The following NCOR2 variants were observed in gnomAD, a reference collection of about 807,000 sequenced individuals.
NCOR2 encodes CTG repeat protein 26.
Under a neutral mutation model 262.9 loss-of-function variants are expected in NCOR2, and 81 were observed. The ratio of observed to expected loss-of-function variants is 0.31; its 90% confidence interval spans 0.26 to 0.37. NCOR2 has a LOEUF of 0.37. NCOR2 is among the 10% of genes least tolerant of loss of function. The pLI is 1.00. For missense variants in NCOR2, 3,385 were observed against 3,621.4 expected, an observed-to-expected ratio of 0.93 and a Z score of 1.68; for synonymous variants, 1,659 against 1,559.3, an observed-to-expected ratio of 1.06 and a Z score of -1.51.
At position 124,426,810 on chromosome 12, in the gene NCOR2, A is replaced by G. The variant is rs779937790; in HGVS notation, c.1150-10T>C. 10 of 1,565,758 alleles carry G rather than the reference A, an allele frequency of 6.4e-6. No homozygotes were observed. The East Asian group carries it at 6.9e-5, about 11-fold the overall frequency. ...TCTGCTTCTCCAGGTTCTGCAGGGA[A>G]ACGGAGGGCAGGGTCAGAGGCCCAG... On this transcript the variant is annotated splice_polypyrimidine_tract_variant and intron_variant, in intron 10 of 46. Transcript: ENST00000405201.
chr12:124,426,580 G>A, intron 11 of NCOR2, 42 bp downstream of exon 13: 1 of 1,528,312 alleles, frequency 6.5e-7, no homozygotes, highest in East Asian at 2.4e-5. Context: ...ACAGGATGGG[G>A]GTGGGGGGCC....
At chr12:124,332,603 C>G in intron 42 of NCOR2, 136 bp from the exon 45 acceptor site, 2 of 1,132,088 alleles carry the variant, frequency 1.8e-6, no homozygotes, top group African/African-American at 1.5e-5. Flanking sequence ...GCATCCCCTG[C>G]CTGGTAGAAG....
In NCOR2 at chr12:124,477,620, T is replaced by G. The variant is rs551485107; in HGVS notation, c.412-4489A>C. ...CTTCACTTTAATGTGGTTACTTTTT[T>G]GTGAACCGACCCTCAACTGAAAAAG... On this transcript the variant is annotated intron_variant, in intron 3 of 46. Coordinates refer to ENST00000405201, the Ensembl canonical transcript of NCOR2. Among the ~76,000 whole-genome samples, 3 of 152,352 alleles carry G rather than the reference T, an allele frequency of 2.0e-5. No individual in the cohort carries two copies. In the South Asian group the frequency reaches 6.2e-4, roughly 32 times the overall value.
chr12:124,383,938 C>G (rs575640128), intron 17 of NCOR2, among the ~76,000 whole-genome samples: 1 of 151,918 alleles, frequency 6.6e-6, no homozygotes, highest in East Asian at 1.9e-4. Context: ...CCACACCCTG[C>G]GGAAGCCTGG....
chr12:124,566,899 C>T lies in NCOR2; in HGVS notation c.-165+409G>A, dbSNP rs1249749398. ...TACCATCTCCAAGGGCTTTCAAACCCGCGCTGCCCGATGGAAAATAAGGCG... is the reference window on the plus strand; with the variant it reads ...TACCATCTCCAAGGGCTTTCAAACCTGCGCTGCCCGATGGAAAATAAGGCG... On this transcript the variant is annotated intron_variant, in intron 1 of 32. Transcript: ENST00000458234. This position sits in a 1 kb window ranked among gnomAD's most constrained non-coding sequence, Gnocchi z 4.3. Among the ~76,000 whole-genome samples, 1 of 152,232 alleles carries T rather than the reference C, an allele frequency of 6.6e-6. No homozygotes were observed. Among genetic ancestry groups the T allele is most frequent in the East Asian group, 1.9e-4 (1 of 5,194 alleles).
intron 22 of NCOR2, among the ~76,000 whole-genome samples, chr12:124,360,674 C>T (rs577875348): frequency 6.9e-6 from 1 of 144,750 alleles, no homozygotes; most frequent in East Asian, 2.3e-4. Context: ...CCTTCCCTGG[C>T]CACAACCACC....
At chr12:124,334,383 C>T (rs1395897311) in intron 41 of NCOR2, 41 bp downstream of exon 43, 12 of 1,443,812 alleles carry the variant, frequency 8.3e-6, no homozygotes, top group Admixed American at 4.3e-5. Context: ...GAAGGCCTCC[C>T]GCCGGCTGAC....
exon 47 of NCOR2, chr12:124,325,567 G>T: frequency 7.6e-7 from 1 of 1,307,656 alleles, no homozygotes; most frequent in South Asian, 2.4e-5. Flanking sequence ...GGGGGTTGTA[G>T]GGGAATGGCG....
chr12:124,481,119 G>T lies in NCOR2; in HGVS notation c.411+2477C>A, dbSNP rs962780617. Among the ~76,000 whole-genome samples, 1 of 151,600 alleles carries T rather than the reference G, an allele frequency of 6.6e-6. No homozygotes were observed. The highest frequency in any genetic ancestry group is 2.4e-5 in the African/African-American group (1 of 41,206). On this transcript the variant is annotated intron_variant, in intron 3 of 46. Transcript: ENST00000405201. This position sits in a 1 kb window ranked among gnomAD's most constrained non-coding sequence, Gnocchi z 4.6. ...AGCAGGGGGTGAAGGGGAGTGAGCA[G>T]GACAGGGGGGCTGTTTGGGTGGAAA...
intron 27 of NCOR2, among the ~76,000 whole-genome samples, chr12:124,351,989 G>A (rs1172455256): frequency 6.6e-6 from 1 of 152,204 alleles, no homozygotes; most frequent in African/African-American, 2.4e-5. Context: ...GTTCACCGCA[G>A]ATCCTGGTCT....
intron 5 of NCOR2, among the ~76,000 whole-genome samples, chr12:124,460,160 T>C (rs1437193578): frequency 2.0e-5 from 3 of 152,120 alleles, no homozygotes; most frequent in Admixed American, 1.3e-4. Flanking sequence ...ACTGGCCACC[T>C]CCCCTGATGA....
Position 124,340,361 on chromosome 12 carries a change from A to ATCCCGG in NCOR2, c.5415_5420dup (p.Asp1807_Arg1808dup), listed in dbSNP as rs1396764667. 3 of 1,612,936 alleles carry ATCCCGG rather than the reference A, an allele frequency of 1.9e-6. 1 individual carries two copies. Among genetic ancestry groups the ATCCCGG allele is most frequent in the Non-Finnish European group, 8.5e-7 (1 of 1,179,928 alleles). On this transcript the variant is annotated inframe_insertion, in exon 36 of 47. Transcript: ENST00000405201. ...TGAGGATGGACTTTTCCCGCTCCCG[A>ATCCCGG]TCCCGGTCCCGCTCTCGATCCCGGT...
intron 32 of NCOR2, among the ~76,000 whole-genome samples, 178 bp downstream of exon 34, chr12:124,344,419 G>A (rs776484061): frequency 1.4e-4 from 21 of 152,196 alleles, no homozygotes; most frequent in Non-Finnish European, 2.5e-4. Flanking sequence ...GAGGTGGCAA[G>A]GAGTTGGACA....
intron 16 of NCOR2, among the ~76,000 whole-genome samples, chr12:124,391,508 G>T (rs2066337198): frequency 1.3e-5 from 2 of 152,288 alleles, no homozygotes; most frequent in African/African-American, 2.4e-5. Context: ...CTGGCGGGGG[G>T]GGGGTTCCAC....
chr12:124,368,233 CCTCA>C (rs2039197082), intron 20 of NCOR2, among the ~76,000 whole-genome samples: 1 of 152,226 alleles, frequency 6.6e-6, no homozygotes, highest in African/African-American at 2.4e-5. Flanking sequence ...GCCACCTTCT[CCTCA>C]CTGTCATTTT....
chr12:124,333,858 GTGTGTGTGCGCATGTGTGCGGGTGTGCA>G (rs2035512214), intron 41 of NCOR2, among the ~76,000 whole-genome samples: 2 of 141,694 alleles, frequency 1.4e-5, no homozygotes, highest in Non-Finnish European at 3.1e-5. Flanking sequence ...GGGTGTGCAT[GTGTGTGTGCGCATGTGTGCGGGTGTGCA>G]TGTGTGTGTG....
At position 124,481,798 on chromosome 12, in the gene NCOR2, G is replaced by T. The variant is rs993434141; in HGVS notation, c.411+1798C>A. On this transcript the variant is annotated intron_variant, in intron 3 of 46. Transcript: ENST00000405201. This position sits in a 1 kb window ranked among gnomAD's most constrained non-coding sequence, Gnocchi z 4.6. The stretch of plus-strand genomic sequence containing the variant: ...GAGCACAGGGGGGAACACACAGGGG[G>T]ATGCAGTCGTCTGCCTTTATAAGAG... Among the ~76,000 whole-genome samples, 1 of 152,122 alleles carries T rather than the reference G, an allele frequency of 6.6e-6. No homozygotes were observed. Among genetic ancestry groups the T allele is most frequent in the Admixed American group, 6.5e-5 (1 of 15,284 alleles).
At chr12:124,438,592 T>TG (rs1247042716) in intron 7 of NCOR2, among the ~76,000 whole-genome samples, 1 of 151,950 alleles carries the variant, frequency 6.6e-6, no homozygotes, top group Non-Finnish European at 1.5e-5. Context: ...GCAGGGCCCA[T>TG]GGGGTCTCAA....
intron 38 of NCOR2, chr12:124,335,868 G>C: frequency 1.9e-6 from 1 of 538,222 alleles, no homozygotes; most frequent in Non-Finnish European, 3.3e-6. Flanking sequence ...GACAGAGAGG[G>C]AGACACAGAG....
Sources: allele counts gnomAD v4.1 joint callset (sites outside exome capture counted in the v4.1 genomes callset), GRCh38; gene constraint gnomAD v4.1.1; non-coding constraint Gnocchi (gnomAD v3.1); transcripts MANE v1.5; gene names NCBI Gene and HGNC (gene_info 2026-07-23, HGNC 2026-07-21).